The following EPHA6 variants were observed in gnomAD, a reference collection of about 807,000 sequenced individuals.
EPHA6 encodes the protein ephrin type-A receptor 6.
In EPHA6, 50 loss-of-function variants were observed where a neutral mutation model predicts 112.0. That is an observed-to-expected ratio of 0.45 (90% CI 0.36 to 0.56). The LOEUF (loss-of-function observed/expected upper bound fraction) is 0.56, where lower values mean the gene tolerates loss of function less well. Among genes scored for constraint, EPHA6 ranks in the 20% least tolerant of loss-of-function variants. EPHA6 has a pLI of 0.00. For synonymous variants in EPHA6, 529 were observed against 490.7 expected, an observed-to-expected ratio of 1.08 and a Z score of -1.03; for missense variants, 1,280 against 1,417.4, an observed-to-expected ratio of 0.90 and a Z score of 1.56.
chr3:97,262,937 A>G (rs1249387869), intron 5 of EPHA6, among the ~76,000 whole-genome samples: 4 of 152,204 alleles, frequency 2.6e-5, no homozygotes, highest in African/African-American at 4.8e-5. Flanking sequence ...ATATTCCTTG[A>G]AAGTCATGGT....
chr3:97,644,947 A>G (rs1444632097), intron 14 of EPHA6, among the ~76,000 whole-genome samples: 1 of 151,938 alleles, frequency 6.6e-6, no homozygotes, highest in Non-Finnish European at 1.5e-5. Flanking sequence ...TGAGGCCAGC[A>G]TCATTCTGAT....
At chr3:97,079,099 A>G (rs1235032624) in intron 3 of EPHA6, among the ~76,000 whole-genome samples, 1 of 152,188 alleles carries the variant, frequency 6.6e-6, no homozygotes, top group East Asian at 1.9e-4. Context: ...TAGCAAAGGC[A>G]TGGAATCAAC....
intron 2 of EPHA6, among the ~76,000 whole-genome samples, chr3:96,979,630 T>G (rs1247251090): frequency 6.6e-6 from 1 of 152,184 alleles, no homozygotes; most frequent in Non-Finnish European, 1.5e-5. Flanking sequence ...CGCCACACTG[T>G]CTTCCACAAT....
rs1484038798 is a variant in EPHA6, at chr3:97,749,785, A to G, written c.*1084A>G. 2.0e-5 allele frequency among the ~76,000 whole-genome samples: 3 copies of G among 152,226 alleles called. No individual in the cohort carries two copies. The highest frequency in any genetic ancestry group is 6.5e-5 in the Admixed American group (1 of 15,276). On this transcript the variant is annotated 3_prime_UTR_variant, in exon 18 of 18. Coordinates refer to ENST00000389672, the MANE Select transcript of EPHA6 (RefSeq NM_001080448.3). ...ACTTAGCTGATCATTTGGTATTGGC[A>G]CATTTTGCAAGTTGAAGCGTTCTTA...
At chr3:96,939,055 G>A (rs1207981484) in intron 2 of EPHA6, among the ~76,000 whole-genome samples, 1 of 152,152 alleles carries the variant, frequency 6.6e-6, no homozygotes, top group Admixed American at 6.6e-5. Context: ...AAGGATATTG[G>A]TCTAAAATTC....
chr3:97,003,832 C>T (rs149371825), intron 3 of EPHA6, among the ~76,000 whole-genome samples: 233 of 149,274 alleles, frequency 1.6e-3, no homozygotes, highest in Admixed American at 2.7e-3. Flanking sequence ...TGTTCCCCTC[C>T]CTGTGTCCAC....
intron 5 of EPHA6, among the ~76,000 whole-genome samples, chr3:97,260,782 C>T (rs559771245): frequency 1.2e-4 from 19 of 152,162 alleles, no homozygotes; most frequent in Non-Finnish European, 2.8e-4. Flanking sequence ...GTTATAAAAC[C>T]GTTTTTCATT....
intron 3 of EPHA6, among the ~76,000 whole-genome samples, chr3:97,171,375 G>A (rs768659191): frequency 2.6e-5 from 4 of 152,082 alleles, no homozygotes; most frequent in African/African-American, 4.8e-5. Flanking sequence ...TTATGTGTAG[G>A]AGAGTAATAA....
intron 3 of EPHA6, among the ~76,000 whole-genome samples, chr3:97,191,402 A>G (rs1168412002): frequency 1.3e-5 from 2 of 151,982 alleles, no homozygotes; most frequent in African/African-American, 4.8e-5. Flanking sequence ...GCTATCAAAT[A>G]CTAGATCTTA....
At chr3:96,931,031 T>TCTGGCTG (rs1229081269) in intron 2 of EPHA6, among the ~76,000 whole-genome samples, 1 of 112,018 alleles carries the variant, frequency 8.9e-6, no homozygotes, top group Non-Finnish European at 1.9e-5. Flanking sequence ...AGAAAAGCTT[T>TCTGGCTG]CTGGCTGCTT....
intron 13 of EPHA6, among the ~76,000 whole-genome samples, chr3:97,612,989 A>G (rs1005771197): frequency 3.9e-5 from 6 of 152,042 alleles, no homozygotes; most frequent in Non-Finnish European, 8.8e-5. Flanking sequence ...ACTTTTCCTT[A>G]TAAGTCCACT....
At chr3:97,322,528 A>C (rs539226370) in intron 5 of EPHA6, among the ~76,000 whole-genome samples, 1 of 152,166 alleles carries the variant, frequency 6.6e-6, no homozygotes, top group East Asian at 1.9e-4. Context: ...TCGTGTTTGC[A>C]AGCACTGGTT....
At chr3:97,666,114 G>A (rs906824744) in intron 14 of EPHA6, among the ~76,000 whole-genome samples, 2 of 149,880 alleles carry the variant, frequency 1.3e-5, no homozygotes, top group African/African-American at 4.9e-5. Flanking sequence ...GCCTTGCCTT[G>A]AATTTTGTCC....
chr3:97,031,302 G>A (rs2044829809), intron 3 of EPHA6, among the ~76,000 whole-genome samples: 1 of 151,938 alleles, frequency 6.6e-6, no homozygotes, highest in Non-Finnish European at 1.5e-5. Context: ...AATTCAAGAT[G>A]GATTAAAGAC....
chr3:97,112,194 C>CA (rs1219240856), intron 3 of EPHA6, among the ~76,000 whole-genome samples: 5 of 152,202 alleles, frequency 3.3e-5, no homozygotes, highest in Admixed American at 2.6e-4. Flanking sequence ...CTTCTGCTCT[C>CA]AATTTGCTTG....
chr3:97,346,881 C>A (rs2083559989), intron 5 of EPHA6, among the ~76,000 whole-genome samples: 1 of 152,004 alleles, frequency 6.6e-6, no homozygotes, highest in African/African-American at 2.4e-5. Context: ...AGCTTTTATT[C>A]CTGCCTTATA....
At chr3:96,997,089 T>G in intron 3 of EPHA6, among the ~76,000 whole-genome samples, 1 of 152,068 alleles carries the variant, frequency 6.6e-6, no homozygotes, top group East Asian at 1.9e-4. Flanking sequence ...CCAACTGCTG[T>G]TGGCTTCCAA....
chr3:96,941,869 AC>A (rs1192909834), intron 2 of EPHA6, among the ~76,000 whole-genome samples: 4 of 152,120 alleles, frequency 2.6e-5, no homozygotes, highest in Non-Finnish European at 5.9e-5. Flanking sequence ...TCCACTCCAG[AC>A]CCTGTTTGCC....
chr3:97,338,792 G>C (rs777244035), intron 5 of EPHA6, among the ~76,000 whole-genome samples: 1 of 152,176 alleles, frequency 6.6e-6, no homozygotes, highest in Non-Finnish European at 1.5e-5. Flanking sequence ...TTGGTTGCAA[G>C]TGATAGAGAT....
Sources: gnomAD v4.1 joint callset for allele counts (sites outside exome capture counted in the v4.1 genomes callset) on GRCh38, gnomAD v4.1.1 for gene constraint, MANE v1.5 for transcripts, NCBI Gene and HGNC (gene_info 2026-07-23, HGNC 2026-07-21) for gene names.